ASTN2: variants seen among roughly 807,000 people sequenced by gnomAD.
The protein encoded by ASTN2 is astrotactin 2.
A neutral mutation model predicts 139.8 loss-of-function variants in ASTN2; 54 were observed. The observed-to-expected ratio is 0.39, with a 90% CI of 0.31 to 0.48. ASTN2 has a LOEUF of 0.48. Among genes scored for constraint, ASTN2 ranks in the 20% least tolerant of loss-of-function variants. The pLI, the probability that ASTN2 is intolerant of heterozygous loss-of-function variation, is 0.95. For missense variants in ASTN2, 1,565 were observed against 1,725.1 expected, an observed-to-expected ratio of 0.91 and a Z score of 1.64; for synonymous variants, 756 against 719.5, an observed-to-expected ratio of 1.05 and a Z score of -0.81.
At chr9:116,705,691 G>C (rs1827971293) in intron 16 of ASTN2, among the ~76,000 whole-genome samples, 1 of 143,302 alleles carries the variant, frequency 7.0e-6, no homozygotes, top group African/African-American at 2.5e-5. Context: ...TTGTAGTCAA[G>C]TAGCTTGTGG....
At chr9:116,570,462 C>T (rs1365142339) in intron 19 of ASTN2, among the ~76,000 whole-genome samples, 2 of 152,102 alleles carry the variant, frequency 1.3e-5, no homozygotes, top group Admixed American at 1.3e-4. Context: ...GTGGCATCAT[C>T]TCGGCTCACT....
At chr9:116,631,461 G>C (rs1856740969) in intron 17 of ASTN2, among the ~76,000 whole-genome samples, 1 of 152,186 alleles carries the variant, frequency 6.6e-6, no homozygotes, top group Admixed American at 6.5e-5. Flanking sequence ...AAATAAGCCA[G>C]CTACAGAAAG....
intron 20 of ASTN2, among the ~76,000 whole-genome samples, chr9:116,459,842 G>C (rs1259073154): frequency 6.6e-6 from 1 of 152,068 alleles, no homozygotes; most frequent in Non-Finnish European, 1.5e-5. Context: ...AAACAGTTTG[G>C]TAGTTCCTCT....
At chr9:117,072,417 C>A (rs1300335569) in intron 5 of ASTN2, among the ~76,000 whole-genome samples, 1 of 152,208 alleles carries the variant, frequency 6.6e-6, no homozygotes, top group Admixed American at 6.5e-5. Context: ...TTACAAATCA[C>A]TCTGTCAATT....
chr9:116,965,653 T>C (rs1835991717), intron 10 of ASTN2, among the ~76,000 whole-genome samples: 1 of 152,150 alleles, frequency 6.6e-6, no homozygotes, highest in Admixed American at 6.5e-5. Flanking sequence ...GCTGAGCTGA[T>C]CTCTTTCCCT....
chr9:116,432,005 T>TA (rs34722121), intron 22 of ASTN2, among the ~76,000 whole-genome samples: 49,261 of 151,984 alleles, frequency 0.32, 8,508 homozygotes, highest in East Asian at 0.49. Context: ...TTAAATCAAG[T>TA]ATGTTTTAGA....
At chr9:117,259,788 C>T (rs930599322) in intron 2 of ASTN2, among the ~76,000 whole-genome samples, 1 of 152,104 alleles carries the variant, frequency 6.6e-6, no homozygotes, top group Non-Finnish European at 1.5e-5. Context: ...ACTTCGGACA[C>T]CTGTTGTTAG....
At position 117,299,603 on chromosome 9, in the gene ASTN2, G is replaced by A. The variant is rs894896081; in HGVS notation, c.443-8090C>T. Among the ~76,000 whole-genome samples, 8 of 152,274 alleles carry A rather than the reference G, an allele frequency of 5.3e-5. No individual in the cohort carries two copies. The South Asian group carries it at 6.2e-4, about 12-fold the overall frequency. ...ACAGTGGGGGGAACCGGTATAAAAC[G>A]CAGAAGCCACCATTATAGAGAGAGG... On this transcript the variant is annotated intron_variant, in intron 1 of 22. Transcript: ENST00000313400.
At chr9:117,262,375 G>A (rs180765815) in intron 2 of ASTN2, among the ~76,000 whole-genome samples, 227 of 150,666 alleles carry the variant, frequency 1.5e-3, no homozygotes, top group African/African-American at 5.2e-3. Flanking sequence ...ACCCAACACT[G>A]TGGTTGATAT....
At chr9:116,445,905 G>A (rs1326646079) in intron 20 of ASTN2, among the ~76,000 whole-genome samples, 1 of 152,132 alleles carries the variant, frequency 6.6e-6, no homozygotes, top group Non-Finnish European at 1.5e-5. Flanking sequence ...CAACCCTGCT[G>A]GGGGGTGGAG....
intron 19 of ASTN2, among the ~76,000 whole-genome samples, chr9:116,564,394 C>T (rs764793536): frequency 1.3e-5 from 2 of 152,126 alleles, no homozygotes; most frequent in African/African-American, 4.8e-5. Context: ...GAAAAAGAGC[C>T]CACCTCTCCC....
intron 11 of ASTN2, among the ~76,000 whole-genome samples, chr9:116,836,319 T>C (rs1416829729): frequency 6.6e-6 from 1 of 152,078 alleles, no homozygotes; most frequent in East Asian, 1.9e-4. Context: ...TTCAATGTCA[T>C]GGATTAGGGG....
At chr9:116,823,200 C>T (rs909503653) in intron 11 of ASTN2, among the ~76,000 whole-genome samples, 1 of 152,306 alleles carries the variant, frequency 6.6e-6, no homozygotes, top group South Asian at 2.1e-4. Context: ...CAATTTCTTG[C>T]AGCAGACAAG....
At chr9:117,127,946 C>T (rs556706167) in intron 4 of ASTN2, among the ~76,000 whole-genome samples, 1 of 152,042 alleles carries the variant, frequency 6.6e-6, no homozygotes, top group Non-Finnish European at 1.5e-5. Flanking sequence ...TCCCAAAGTG[C>T]TGGGATTACA....
intron 11 of ASTN2, among the ~76,000 whole-genome samples, chr9:116,838,155 G>T (rs1832073099): frequency 6.9e-6 from 1 of 145,696 alleles, no homozygotes; most frequent in African/African-American, 2.5e-5. Context: ...TGTCACCCAG[G>T]CTGGAGTGCA....
At chr9:116,858,753 G>A (rs536007830) in intron 11 of ASTN2, among the ~76,000 whole-genome samples, 1 of 152,176 alleles carries the variant, frequency 6.6e-6, no homozygotes, top group South Asian at 2.1e-4. Context: ...CTGGTCAAGG[G>A]ATATGGTCTC....
chr9:116,667,753 T>G (rs978126717), intron 16 of ASTN2, among the ~76,000 whole-genome samples: 1 of 152,218 alleles, frequency 6.6e-6, no homozygotes, highest in Non-Finnish European at 1.5e-5. Flanking sequence ...AAGACTATTT[T>G]TAGAACACCT....
At chr9:116,936,594 C>T (rs2132462154) in intron 10 of ASTN2, among the ~76,000 whole-genome samples, 1 of 152,308 alleles carries the variant, frequency 6.6e-6, no homozygotes, top group South Asian at 2.1e-4. Flanking sequence ...CTGCAAAAAG[C>T]ACCCAACATG....
chr9:116,734,891 C>T (rs935038153), intron 13 of ASTN2, among the ~76,000 whole-genome samples: 1 of 152,168 alleles, frequency 6.6e-6, no homozygotes, highest in Non-Finnish European at 1.5e-5. Flanking sequence ...GACATTATCA[C>T]CATCTTCTAT....
Sources: allele counts gnomAD v4.1 joint callset (sites outside exome capture counted in the v4.1 genomes callset), GRCh38; gene constraint gnomAD v4.1.1; transcripts MANE v1.5; gene names NCBI Gene and HGNC (gene_info 2026-07-23, HGNC 2026-07-21).